Variants in PRKCE observed in about 807,000 individuals in gnomAD.
PRKCE encodes protein kinase C epsilon type.
Under a neutral mutation model 85.4 loss-of-function variants are expected in PRKCE, and 16 were observed. The observed-to-expected ratio is 0.19, with a 90% CI of 0.13 to 0.28. The LOEUF is 0.28. Ranked by LOEUF, PRKCE falls within the 10% of genes least tolerant of loss-of-function variation. The probability of loss-of-function intolerance (pLI) is 1.00; values close to 1 mark genes in which losing one functional copy is unlikely to be tolerated. For missense variants in PRKCE, 573 were observed against 975.2 expected (o/e 0.59, Z 5.49); for synonymous variants, 388 against 371.5 (o/e 1.04, Z -0.51).
intron 1 of PRKCE, among the ~76,000 whole-genome samples, chr2:45,662,113 G>T (rs1407480850): frequency 6.6e-6 from 1 of 152,102 alleles, no homozygotes; most frequent in Non-Finnish European, 1.5e-5. Flanking sequence ...GCTCTTAGAA[G>T]TTCATCATTT....
At chr2:46,067,504 T>A (rs1212804699) in intron 10 of PRKCE, among the ~76,000 whole-genome samples, 1 of 152,250 alleles carries the variant, frequency 6.6e-6, no homozygotes, top group Non-Finnish European at 1.5e-5. Context: ...CTTTCTCGTC[T>A]CTTCCACATG....
At chr2:45,957,893 G>A (rs1701078214) in intron 2 of PRKCE, among the ~76,000 whole-genome samples, 1 of 150,986 alleles carries the variant, frequency 6.6e-6, no homozygotes, top group African/African-American at 2.4e-5. Context: ...TCCAGCCTAG[G>A]CAACAGAGCG....
Position 45,884,975 on chromosome 2 carries a change from A to T in PRKCE, c.412+41912A>T, listed in dbSNP as rs1475091278. On this transcript the variant is annotated intron_variant, in intron 2 of 14. Transcript: ENST00000306156. The stretch of plus-strand genomic sequence containing the variant: ...GATCCATATATATATATATATATAT[A>T]TATATATATATATATATATATATAT... 0.017 allele frequency among the ~76,000 whole-genome samples: 1,053 copies of T among 62,548 alleles called. 99 individuals carry two copies. The East Asian group carries it at 0.26, about 15-fold the overall frequency. 41.0% of individuals were successfully genotyped at this position (62,548 alleles called of 152,430 possible).
At position 46,154,291 on chromosome 2, in the gene PRKCE, G is replaced by A. The variant is rs550412325; in HGVS notation, c.1920+3062G>A. ...TGCCCCAAGCCAGTGAGGAGGCCTC[G>A]GGGGTACTAGTCTTATTTAGGGATA... On this transcript the variant is annotated intron_variant, in intron 13 of 14. Coordinates refer to ENST00000306156, the MANE Select transcript of PRKCE (RefSeq NM_005400.3). Among the ~76,000 whole-genome samples the A allele has an allele frequency of 3.9e-5, 6 of 152,158 alleles. No individual in the cohort carries two copies. The South Asian group carries it at 8.3e-4, about 21-fold the overall frequency.
intron 1 of PRKCE, among the ~76,000 whole-genome samples, chr2:45,748,472 C>T (rs568040154): frequency 4.0e-4 from 61 of 152,330 alleles, no homozygotes; most frequent in East Asian, 9.6e-4. Flanking sequence ...ATTAAAGAAA[C>T]GCCTGTGCCT....
At chr2:45,831,549 A>G (rs187851373) in intron 1 of PRKCE, among the ~76,000 whole-genome samples, 254 of 152,336 alleles carry the variant, frequency 1.7e-3, no homozygotes, top group Non-Finnish European at 2.7e-3. Flanking sequence ...TTGTAGTTGT[A>G]GAGAACAGAG....
intron 1 of PRKCE, among the ~76,000 whole-genome samples, chr2:45,814,663 G>A (rs181504455): frequency 2.0e-5 from 3 of 152,314 alleles, no homozygotes; most frequent in East Asian, 1.9e-4. Context: ...TGTGCTATTC[G>A]GGGGTGTGAG....
At chr2:45,977,569 G>A (rs1702554733) in intron 3 of PRKCE, among the ~76,000 whole-genome samples, 1 of 151,860 alleles carries the variant, frequency 6.6e-6, no homozygotes, top group Non-Finnish European at 1.5e-5. Flanking sequence ...CCCTGGAGGT[G>A]GAGGCTGCAG....
intron 1 of PRKCE, among the ~76,000 whole-genome samples, chr2:45,659,726 C>T (rs1268497247): frequency 6.6e-6 from 1 of 152,124 alleles, no homozygotes; most frequent in East Asian, 1.9e-4. Context: ...TCCCAGATAT[C>T]CACATGGCTC....
At chr2:45,690,082 C>G (rs576315924) in intron 1 of PRKCE, among the ~76,000 whole-genome samples, 1 of 152,238 alleles carries the variant, frequency 6.6e-6, no homozygotes, top group Admixed American at 6.5e-5. Context: ...GCTTTTGTTA[C>G]TTACCAATTT....
intron 2 of PRKCE, among the ~76,000 whole-genome samples, chr2:45,885,462 A>G (rs1335756624): frequency 1.3e-5 from 2 of 152,174 alleles, no homozygotes; most frequent in Admixed American, 6.5e-5. Context: ...AGCTGCTGCT[A>G]TTAATTGGGT....
chr2:45,781,623 C>T (rs1371149673), intron 1 of PRKCE, among the ~76,000 whole-genome samples: 1 of 152,192 alleles, frequency 6.6e-6, no homozygotes, highest in Non-Finnish European at 1.5e-5. Flanking sequence ...GCAGCTGATG[C>T]AGGGCCTCCA....
chr2:46,040,221 A>G (rs1447559905), intron 10 of PRKCE, among the ~76,000 whole-genome samples: 2 of 152,208 alleles, frequency 1.3e-5, no homozygotes, highest in South Asian at 4.1e-4. Flanking sequence ...ACTAGGCCTC[A>G]AAGGATGAGT....
intron 2 of PRKCE, among the ~76,000 whole-genome samples, chr2:45,954,872 G>T (rs1700865526): frequency 6.6e-6 from 1 of 152,186 alleles, no homozygotes; most frequent in Non-Finnish European, 1.5e-5. Flanking sequence ...TTAAGTGGAT[G>T]AATTACAGTG....
intron 1 of PRKCE, among the ~76,000 whole-genome samples, chr2:45,817,066 A>AGTGTGTGT (rs200785601): frequency 0.075 from 10,204 of 135,748 alleles, 413 homozygotes; most frequent in Middle Eastern, 0.1. Context: ...CTGTAAGTAG[A>AGTGTGTGT]GTGTGTGTGT....
rs965870545 is a variant in PRKCE at position 45,785,763 on chromosome 2, G to A, written c.349-57237G>A. On this transcript the variant is annotated intron_variant, in intron 1 of 14. Coordinates refer to ENST00000306156, the MANE Select transcript of PRKCE (RefSeq NM_005400.3). ...AGTGGCACTGAGAGATGCTGGTCAG[G>A]GTTAGGGGATCTGTGGTGAACTGGA... 2.6e-5 allele frequency among the ~76,000 whole-genome samples: 4 copies of A among 152,172 alleles called. No homozygotes were observed. The East Asian group carries it at 7.7e-4, about 29-fold the overall frequency.
intron 10 of PRKCE, among the ~76,000 whole-genome samples, chr2:46,027,556 G>A (rs889473835): frequency 6.6e-6 from 1 of 151,844 alleles, no homozygotes; most frequent in Admixed American, 6.6e-5. Context: ...TCATTCGTAG[G>A]TATATTTTAC....
At chr2:45,953,914 C>T (rs1024215040) in intron 2 of PRKCE, among the ~76,000 whole-genome samples, 1 of 152,160 alleles carries the variant, frequency 6.6e-6, no homozygotes. Flanking sequence ...GTAGGCAAAG[C>T]ACAGAGGAAG....
chr2:46,074,372 C>T (rs1382306598), intron 10 of PRKCE, among the ~76,000 whole-genome samples: 1 of 138,968 alleles, frequency 7.2e-6, no homozygotes. Flanking sequence ...GGTTAGTCAG[C>T]GAGATTTCTT....
Sources: allele counts gnomAD v4.1 joint callset (sites outside exome capture counted in the v4.1 genomes callset), GRCh38; gene constraint gnomAD v4.1.1; transcripts MANE v1.5; gene names NCBI Gene and HGNC (gene_info 2026-07-23, HGNC 2026-07-21).